Variants in FDFT1 observed in about 807,000 individuals in gnomAD.
The protein encoded by FDFT1 is squalene synthase.
A neutral mutation model predicts 46.8 loss-of-function variants in FDFT1; 68 were observed. The ratio of observed to expected loss-of-function variants is 1.45; its 90% CI spans 1.19 to 1.78. The LOEUF (loss-of-function observed/expected upper bound fraction) is 1.78. Among genes scored for constraint, FDFT1 ranks in the 40% most tolerant of loss-of-function variants. The pLI is 0.00. For missense variants in FDFT1, 928 were observed against 524.4 expected, an observed-to-expected ratio of 1.77 and a Z score of -7.52; for synonymous variants, 351 against 185.1, an observed-to-expected ratio of 1.90 and a Z score of -7.28.
At chr8:11,808,426 A>C (rs1022813889) in intron 1 of FDFT1, 60 of 1,259,954 alleles carry the variant, frequency 4.8e-5, no homozygotes, top group Non-Finnish European at 6.0e-5. Context: ...CGCGTATTCG[A>C]GTAGAGGGCG....
chr8:11,802,589 C>T (rs997714968), upstream of FDFT1: 2 of 625,456 alleles, frequency 3.2e-6, no homozygotes, highest in Non-Finnish European at 5.9e-6. Flanking sequence ...CCGGGGTCTT[C>T]CTAGTGTGAG....
upstream of FDFT1, among the ~76,000 whole-genome samples, chr8:11,800,839 A>G (rs534736941): frequency 6.6e-6 from 1 of 152,302 alleles, no homozygotes; most frequent in South Asian, 2.1e-4. Flanking sequence ...TACTTTTTAT[A>G]CCGTCATGGC....
intron 7 of FDFT1, among the ~76,000 whole-genome samples, chr8:11,832,847 T>G (rs1413994278): frequency 6.6e-6 from 1 of 152,202 alleles, no homozygotes; most frequent in Non-Finnish European, 1.5e-5. Context: ...TCATTTTTCC[T>G]TTGCCTGAGC....
At chr8:11,831,197 G>A (rs974973283) in intron 6 of FDFT1, among the ~76,000 whole-genome samples, 5 of 152,132 alleles carry the variant, frequency 3.3e-5, no homozygotes, top group South Asian at 4.1e-4. Context: ...ACATATTTCC[G>A]ATCCGATAAT....
At position 11,815,734 on chromosome 8, in the gene FDFT1, AT is replaced by A. The variant is rs1480717944; in HGVS notation, c.381+5892del. ...GATGGGGTTGTTGATTTTCTTGTAA[AT>A]TTTTTTTAAGTTCTTTGTAGATTCT... On this transcript the variant is annotated intron_variant, in intron 3 of 7. Transcript: ENST00000220584. 2.6e-5 allele frequency among the ~76,000 whole-genome samples: 4 copies of A among 152,014 alleles called. No individual in the cohort carries two copies. The Middle Eastern group carries it at 0.01, about 390-fold the overall frequency.
intron 4 of FDFT1, among the ~76,000 whole-genome samples, chr8:11,824,315 G>A (rs376486041): frequency 6.6e-5 from 10 of 151,872 alleles, no homozygotes; most frequent in African/African-American, 1.2e-4. Context: ...AATTGCTGTC[G>A]CGGAAAAAAA....
At chr8:11,811,571 C>T (rs1285741113) in intron 3 of FDFT1, among the ~76,000 whole-genome samples, 6 of 152,186 alleles carry the variant, frequency 3.9e-5, no homozygotes, top group Non-Finnish European at 8.8e-5. Flanking sequence ...GTTTGTGAAA[C>T]TTCAGTGTCT....
Position 11,826,038 on chromosome 8 carries a change from T to A in FDFT1, c.525T>A (p.Val175=). 1 of 1,594,724 alleles carries A rather than the reference T, an allele frequency of 6.3e-7. No individual in the cohort carries two copies. The highest frequency in any genetic ancestry group is 8.6e-7 in the Non-Finnish European group (1 of 1,165,926). Residue 175 remains valine, a synonymous_variant, in exon 5 of 8, where the codon GTT becomes GTA. Coordinates refer to ENST00000220584, the MANE Select transcript of FDFT1 (RefSeq NM_004462.5). Reference sequence around the variant, plus strand: ...GTCTCTTACAGTACTGCCACTATGTTGCTGGGCTGGTCGGAATTGGCCTTT... The same window carrying A: ...GTCTCTTACAGTACTGCCACTATGTAGCTGGGCTGGTCGGAATTGGCCTTT... The part of the protein sequence containing the change: ...EQEWDKYCHY[V]AGLVGIGLSR...
intron 1 of FDFT1, chr8:11,803,191 C>T (rs1043478227): frequency 1.8e-5 from 25 of 1,406,466 alleles, no homozygotes; most frequent in South Asian, 2.7e-5. Context: ...TTGCGCTCCC[C>T]GTTTCGTCCC....
intron 5 of FDFT1, among the ~76,000 whole-genome samples, chr8:11,829,187 CA>C (rs1467270047): frequency 6.6e-6 from 1 of 152,134 alleles, no homozygotes; most frequent in East Asian, 1.9e-4. Flanking sequence ...ATATACTTAA[CA>C]TTTTATTTAT....
At chr8:11,837,706 C>T (rs1212003379) in intron 7 of FDFT1, among the ~76,000 whole-genome samples, 3 of 152,010 alleles carry the variant, frequency 2.0e-5, no homozygotes, top group Non-Finnish European at 2.9e-5. Context: ...TTTGAGATCT[C>T]CTTGGTGACA....
upstream of FDFT1, chr8:11,801,856 G>A (rs1585840329): frequency 4.8e-6 from 2 of 420,380 alleles, no homozygotes; most frequent in Non-Finnish European, 4.7e-6. Context: ...ACCACACTCG[G>A]CTTTTTTGTA....
chr8:11,832,986 G>T (rs1441069923), intron 7 of FDFT1, among the ~76,000 whole-genome samples: 1 of 152,118 alleles, frequency 6.6e-6, no homozygotes, highest in Non-Finnish European at 1.5e-5. Flanking sequence ...AGCGATTTCT[G>T]ATTTCTCTTG....
In FDFT1 at chr8:11,809,762, A is replaced by G. The variant is rs1807441879; in HGVS notation, c.293A>G (p.His98Arg). The G allele has an allele frequency of 1.9e-6, 3 of 1,614,154 alleles. No individual in the cohort carries two copies. In the South Asian group the frequency reaches 3.3e-5, roughly 18 times the overall value. ...GTGGAAAAGAAGGTCCCGCTGTTAC[A>G]CAACTTTCACTCTTTCCTTTACCAA... ...ISVEKKVPLL[H>R]NFHSFLYQPD... The change falls in exon 3 of 8, where the codon CAC becomes CGC. Residue 98 changes from histidine to arginine, a missense_variant. Coordinates refer to ENST00000220584, the MANE Select transcript of FDFT1 (RefSeq NM_004462.5).
chr8:11,837,150 G>C (rs886197671), intron 7 of FDFT1, among the ~76,000 whole-genome samples: 20 of 152,280 alleles, frequency 1.3e-4, no homozygotes, highest in Non-Finnish European at 2.2e-4. Context: ...GCGCATTCCA[G>C]AGAGAAGGAG....
intron 3 of FDFT1, 119 bp downstream of exon 3, chr8:11,809,969 T>C (rs142064225): frequency 4.2e-5 from 32 of 765,758 alleles, no homozygotes; most frequent in Non-Finnish European, 5.8e-5. Context: ...GGCAGCATAA[T>C]GTGAGGGTTA....
chr8:11,837,399 T>G (rs916479293), intron 7 of FDFT1, among the ~76,000 whole-genome samples: 2 of 152,136 alleles, frequency 1.3e-5, no homozygotes, highest in Admixed American at 6.5e-5. Flanking sequence ...GCCCGGCTAA[T>G]TTTTGTACAT....
chr8:11,838,385 C>G lies in FDFT1; in HGVS notation c.1033-3C>G. 1.2e-6 allele frequency: 2 copies of G among 1,611,460 alleles called. No individual in the cohort carries two copies. The highest frequency in any genetic ancestry group is 1.1e-5 in the South Asian group (1 of 91,028). ...TTATCATTTTTTCCTGTGTCTTTAA[C>G]AGATTTATCATAGAATCCCCGACTC... is the stretch of plus-strand genomic sequence containing the variant. On this transcript the variant is annotated splice_region_variant and splice_polypyrimidine_tract_variant and intron_variant, in intron 7 of 7. Coordinates refer to ENST00000220584, the MANE Select transcript of FDFT1 (RefSeq NM_004462.5).
intron 3 of FDFT1, among the ~76,000 whole-genome samples, chr8:11,814,056 G>A (rs1007765830): frequency 3.3e-5 from 5 of 152,138 alleles, no homozygotes; most frequent in Non-Finnish European, 7.4e-5. Context: ...AAAGTGTTTT[G>A]GAGGAGTCTA....
Sources: allele counts gnomAD v4.1 joint callset (sites outside exome capture counted in the v4.1 genomes callset), GRCh38; gene constraint gnomAD v4.1.1; transcripts MANE v1.5; gene names NCBI Gene and HGNC (gene_info 2026-07-23, HGNC 2026-07-21).